The following MYO18B variants were observed in gnomAD, a reference collection of about 807,000 sequenced individuals.
MYO18B encodes myosin XVIIIB.
Under a neutral mutation model 273.0 loss-of-function variants are expected in MYO18B, and 204 were observed. The observed-to-expected ratio is 0.75, with a 90% CI of 0.67 to 0.84. The LOEUF (loss-of-function observed/expected upper bound fraction) is 0.84, where lower values mean the gene tolerates loss of function less well. Among genes scored for constraint, MYO18B ranks in the 40% least tolerant of loss-of-function variants. MYO18B has a pLI of 0.00. For synonymous variants in MYO18B, 1,330 were observed against 1,305.7 expected (o/e 1.02, Z -0.40); for missense variants, 3,212 against 3,287.6 (o/e 0.98, Z 0.56).
intron 31 of MYO18B, among the ~76,000 whole-genome samples, chr22:25,907,323 G>A (rs940112652): frequency 1.8e-4 from 27 of 152,156 alleles, no homozygotes; most frequent in Admixed American, 7.9e-4. Context: ...CATTATGCAC[G>A]GCTCTATGCC....
intron 11 of MYO18B, among the ~76,000 whole-genome samples, chr22:25,790,834 G>A (rs972985936): frequency 6.6e-6 from 1 of 152,142 alleles, no homozygotes; most frequent in African/African-American, 2.4e-5. Context: ...GGCAGTTGCT[G>A]GGAATCTCTG....
rs112826054 is a variant in MYO18B at position 25,927,022 on chromosome 22, C to T, written c.5517+5613C>T. Among the ~76,000 whole-genome samples the T allele has an allele frequency of 6.4e-4, 98 of 152,298 alleles. No individual in the cohort carries two copies. The South Asian group carries it at 0.018, about 28-fold the overall frequency. The stretch of plus-strand genomic sequence containing the variant: ...GTCAGTACCCTTGTGATTTCCTATG[C>T]CTGTCTTTACTTTAATCTCTTAATC... On this transcript the variant is annotated intron_variant, in intron 34 of 43. Coordinates refer to ENST00000335473, the MANE Select transcript of MYO18B (RefSeq NM_032608.7).
intron 42 of MYO18B, among the ~76,000 whole-genome samples, chr22:26,020,222 C>A (rs998326897): frequency 7.2e-5 from 11 of 152,124 alleles, no homozygotes; most frequent in Non-Finnish European, 1.3e-4. Context: ...ACGATACATG[C>A]AGATATAGGT....
intron 7 of MYO18B, among the ~76,000 whole-genome samples, chr22:25,776,278 C>A (rs1429357996): frequency 6.6e-6 from 1 of 152,122 alleles, no homozygotes; most frequent in African/African-American, 2.4e-5. Context: ...ATAGGGTGAC[C>A]TCTTGTCCTG....
In MYO18B at chr22:25,762,103, CAAAAA is replaced by C. The variant is rs1427723753; in HGVS notation, c.39+974_39+978del. Among the ~76,000 whole-genome samples the C allele has an allele frequency of 8.0e-5, 11 of 138,016 alleles. No homozygotes were observed. In the South Asian group the frequency reaches 2.3e-3, roughly 28 times the overall value. 90.5% of individuals were successfully genotyped at this position (138,016 alleles called of 152,430 possible). A position where few individuals can be genotyped will look rare whatever the true frequency, so the allele number is the denominator to read the frequency against. ...CGAGCGACAGTGCGAGACTCCGTCT[CAAAAA>C]AGAAAAAAAAAAAAAAGACTGTCTC... On this transcript the variant is annotated intron_variant, in intron 2 of 43. Transcript: ENST00000335473.
At chr22:26,012,371 TC>T (rs777375535) in intron 42 of MYO18B, among the ~76,000 whole-genome samples, 2 of 152,344 alleles carry the variant, frequency 1.3e-5, no homozygotes, top group East Asian at 3.9e-4. Flanking sequence ...GAAATGGAGC[TC>T]AGGATAATTT....
At chr22:25,835,652 T>C (rs1316910512) in intron 17 of MYO18B, among the ~76,000 whole-genome samples, 1 of 152,266 alleles carries the variant, frequency 6.6e-6, no homozygotes, top group African/African-American at 2.4e-5. Flanking sequence ...CTGTTCCATG[T>C]GTTAGTTAAC....
At chr22:25,936,364 A>G (rs540838759) in intron 34 of MYO18B, among the ~76,000 whole-genome samples, 3 of 152,218 alleles carry the variant, frequency 2.0e-5, no homozygotes, top group South Asian at 4.1e-4. Context: ...GGACTCTTGA[A>G]CCCTCAAAGA....
chr22:25,971,552 A>T (rs962987770), intron 39 of MYO18B, among the ~76,000 whole-genome samples: 1 of 152,196 alleles, frequency 6.6e-6, no homozygotes, highest in Non-Finnish European at 1.5e-5. Flanking sequence ...AGTGATGCAG[A>T]TCTTTTTGTA....
At position 25,884,359 on chromosome 22, in the gene MYO18B, GCAT is replaced by G. The variant is rs368635658; in HGVS notation, c.4314+6315_4314+6317del. On this transcript the variant is annotated intron_variant, in intron 25 of 43. Coordinates refer to ENST00000335473, the MANE Select transcript of MYO18B (RefSeq NM_032608.7). ...CTCCTCGCTCCATAGTCCTGCCACAGCATCATGCTTCTGTGAGGAACTGGACTG... is the reference window on the plus strand; with the variant it reads ...CTCCTCGCTCCATAGTCCTGCCACAGCATGCTTCTGTGAGGAACTGGACTG... Among the ~76,000 whole-genome samples, 177 of 152,342 alleles carry G rather than the reference GCAT, an allele frequency of 1.2e-3. 1 individual carries two copies. The East Asian group carries it at 0.03, about 25-fold the overall frequency.
intron 38 of MYO18B, among the ~76,000 whole-genome samples, chr22:25,954,419 C>T (rs1217394785): frequency 3.3e-5 from 5 of 151,258 alleles, no homozygotes; most frequent in African/African-American, 9.8e-5. Flanking sequence ...ACCAGCCCCT[C>T]GAGATAAATA....
At chr22:25,844,350 C>G (rs2146001000) in intron 18 of MYO18B, among the ~76,000 whole-genome samples, 1 of 150,134 alleles carries the variant, frequency 6.7e-6, no homozygotes, top group East Asian at 1.9e-4. Context: ...AGTTCAGAGG[C>G]TTATTGGAAA....
At chr22:25,818,181 G>A (rs2089120990) in intron 12 of MYO18B, among the ~76,000 whole-genome samples, 1 of 152,224 alleles carries the variant, frequency 6.6e-6, no homozygotes, top group Admixed American at 6.5e-5. Flanking sequence ...TGGGCTGGGG[G>A]CAGGGGAAAA....
chr22:26,048,199 A>G, the MYO18B span, among the ~76,000 whole-genome samples: 2 of 152,146 alleles, frequency 1.3e-5, no homozygotes, highest in African/African-American at 4.8e-5. Flanking sequence ...TGTTTCCGCT[A>G]CTACTCAGTA....
At chr22:26,023,755 G>T (rs1447471317) in intron 42 of MYO18B, among the ~76,000 whole-genome samples, 2 of 152,190 alleles carry the variant, frequency 1.3e-5, no homozygotes, top group Non-Finnish European at 1.5e-5. Context: ...GGATGGAAAT[G>T]ACTTTTGTCA....
At chr22:26,023,399 A>T (rs1935972016) in intron 42 of MYO18B, among the ~76,000 whole-genome samples, 1 of 151,804 alleles carries the variant, frequency 6.6e-6, no homozygotes, top group African/African-American at 2.4e-5. Flanking sequence ...GTCAGTTCAG[A>T]CTTGTGGTCT....
intron 29 of MYO18B, 170 bp downstream of exon 29, chr22:25,898,631 TC>T: frequency 1.5e-6 from 1 of 671,640 alleles, no homozygotes; most frequent in Non-Finnish European, 2.4e-6. Flanking sequence ...CTCCCAAGAA[TC>T]CAGCAAGAAA....
At position 25,952,293 on chromosome 22, in the gene MYO18B, T is replaced by A; in HGVS notation, c.5840T>A (p.Val1947Glu). The A allele has an allele frequency of 6.2e-7, 1 of 1,609,496 alleles. No homozygotes were observed. Among genetic ancestry groups the A allele is most frequent in the Non-Finnish European group, 8.5e-7 (1 of 1,178,228 alleles). Residue 1947 changes from valine (V) to glutamate (E), a missense_variant, in exon 38 of 44, where the codon GTG becomes GAG. Transcript: ENST00000335473. ...CTTCTCTCATACTTACAGCTGCAGG[T>A]GGCTCAGATGCGCATCGAGTACCTG... ...EKHKLQEQLQVAQMRIEYLEQ... is the reference protein window; with the variant it reads ...EKHKLQEQLQEAQMRIEYLEQ...
chr22:25,954,938 G>A (rs1414801677), intron 38 of MYO18B, among the ~76,000 whole-genome samples: 1 of 152,122 alleles, frequency 6.6e-6, no homozygotes, highest in Non-Finnish European at 1.5e-5. Context: ...TCTAATTCCT[G>A]ACCTCAGGTA....
Sources: gnomAD v4.1 joint callset for allele counts (sites outside exome capture counted in the v4.1 genomes callset) on GRCh38, gnomAD v4.1.1 for gene constraint, MANE v1.5 for transcripts, NCBI Gene and HGNC (gene_info 2026-07-23, HGNC 2026-07-21) for gene names.